The following CNTNAP2 variants were observed in gnomAD, a reference collection of about 807,000 sequenced individuals.
CNTNAP2 encodes the protein contactin-associated protein-like 2.
Under a neutral mutation model 155.2 loss-of-function variants are expected in CNTNAP2, and 98 were observed. The ratio of observed to expected loss-of-function variants is 0.63; its 90% CI spans 0.54 to 0.75. The LOEUF (loss-of-function observed/expected upper bound fraction) is 0.75. Ranked by LOEUF, CNTNAP2 falls within the 30% of genes least tolerant of loss-of-function variation. The probability of loss-of-function intolerance (pLI) is 0.00; values close to 1 mark genes in which losing one functional copy is unlikely to be tolerated. For synonymous variants in CNTNAP2, 651 were observed against 631.2 expected (o/e 1.03, Z -0.47); for missense variants, 1,727 against 1,688.1 (o/e 1.02, Z -0.40).
chr7:146,249,084 G>A (rs995416730), intron 1 of CNTNAP2, among the ~76,000 whole-genome samples: 4 of 152,066 alleles, frequency 2.6e-5, no homozygotes, highest in Non-Finnish European at 5.9e-5. Context: ...ACAAAACAAT[G>A]TCATCAGTTA....
chr7:147,221,965 G>C (rs546072709), intron 8 of CNTNAP2, among the ~76,000 whole-genome samples: 3 of 152,228 alleles, frequency 2.0e-5, no homozygotes, highest in African/African-American at 7.2e-5. Context: ...TTTTGTTGTT[G>C]CTGTTCCTCT....
At position 147,735,768 on chromosome 7, in the gene CNTNAP2, A is replaced by C. The variant is rs1292435691; in HGVS notation, c.2098+96462A>C. ...TTCTTGTTGAATTGATCCCTTTACC[A>C]TTATGTAATGGCCTTCTTTGTCTCT... is the stretch of plus-strand genomic sequence containing the variant. On this transcript the variant is annotated intron_variant, in intron 13 of 23. Transcript: ENST00000361727. Among the ~76,000 whole-genome samples, 3 of 152,038 alleles carry C rather than the reference A, an allele frequency of 2.0e-5. No individual in the cohort carries two copies. The East Asian group carries it at 5.8e-4, about 29-fold the overall frequency.
chr7:146,191,116 G>A (rs1047602138), intron 1 of CNTNAP2, among the ~76,000 whole-genome samples: 2 of 78,176 alleles, frequency 2.6e-5, no homozygotes, highest in Non-Finnish European at 5.3e-5. Flanking sequence ...TTCAGATATC[G>A]GGGGAACCAC....
rs79758157 is a variant in CNTNAP2, at chr7:147,708,804, C to T, written c.2098+69498C>T. Among the ~76,000 whole-genome samples the T allele has an allele frequency of 7.9e-5, 12 of 152,264 alleles. No homozygotes were observed. In the East Asian group the frequency reaches 2.1e-3, roughly 27 times the overall value. On this transcript the variant is annotated intron_variant, in intron 13 of 23. Transcript: ENST00000361727. Reference sequence around the variant, plus strand: ...CACTTATCTGTTGAATTCTAATGTTCTTTCATAAATGATCTATTCAAAGTG... The same window carrying T: ...CACTTATCTGTTGAATTCTAATGTTTTTTCATAAATGATCTATTCAAAGTG...
chr7:147,239,217 CCTG>C (rs961746962), intron 8 of CNTNAP2, among the ~76,000 whole-genome samples: 6 of 151,806 alleles, frequency 4.0e-5, no homozygotes, highest in African/African-American at 1.5e-4. Context: ...CATCTCAAAA[CCTG>C]CTCACTTTCG....
intron 17 of CNTNAP2, among the ~76,000 whole-genome samples, chr7:148,149,769 C>T (rs1162705092): frequency 6.6e-6 from 1 of 151,984 alleles, no homozygotes; most frequent in Admixed American, 6.6e-5. Flanking sequence ...CCAGGCTGGT[C>T]TCAAACTCCT....
chr7:147,958,852 T>C (rs372798376), intron 14 of CNTNAP2, among the ~76,000 whole-genome samples: 2 of 152,292 alleles, frequency 1.3e-5, no homozygotes, highest in South Asian at 4.1e-4. Context: ...TAAAGCCTTG[T>C]GCATATGAAT....
chr7:147,406,445 G>A (rs532149465), intron 10 of CNTNAP2, among the ~76,000 whole-genome samples: 2 of 152,112 alleles, frequency 1.3e-5, no homozygotes, highest in African/African-American at 4.8e-5. Flanking sequence ...TTAAAAAGAT[G>A]AAGTTGTCAT....
At chr7:146,780,668 T>C (rs976600725) in intron 2 of CNTNAP2, among the ~76,000 whole-genome samples, 3 of 152,008 alleles carry the variant, frequency 2.0e-5, no homozygotes, top group Non-Finnish European at 4.4e-5. Context: ...GTGGGACATA[T>C]ACACCACGGA....
At chr7:146,903,633 C>A (rs113418516) in intron 3 of CNTNAP2, among the ~76,000 whole-genome samples, 143 of 152,276 alleles carry the variant, frequency 9.4e-4, no homozygotes, top group African/African-American at 3.2e-3. Flanking sequence ...GTTGCAATCT[C>A]CTTTAGAACC....
chr7:147,632,403 T>C (rs1045311070), intron 12 of CNTNAP2, among the ~76,000 whole-genome samples: 1 of 152,118 alleles, frequency 6.6e-6, no homozygotes, highest in Non-Finnish European at 1.5e-5. Context: ...GGGGGTGGTT[T>C]CCCTAATCCT....
At chr7:147,747,305 C>G (rs552382859) in intron 13 of CNTNAP2, among the ~76,000 whole-genome samples, 2 of 152,290 alleles carry the variant, frequency 1.3e-5, no homozygotes, top group East Asian at 3.9e-4. Flanking sequence ...TCACATCAGA[C>G]TGGCATCTCT....
At chr7:147,965,282 C>T (rs1801189033) in intron 14 of CNTNAP2, among the ~76,000 whole-genome samples, 1 of 152,102 alleles carries the variant, frequency 6.6e-6, no homozygotes, top group Non-Finnish European at 1.5e-5. Flanking sequence ...GCAATGTTGG[C>T]AAATTGATTA....
chr7:146,868,757 AT>A (rs1396059502), intron 3 of CNTNAP2, among the ~76,000 whole-genome samples: 1 of 151,464 alleles, frequency 6.6e-6, no homozygotes, highest in East Asian at 1.9e-4. Context: ...ATTCCTCAGT[AT>A]TTTCTTCTTT....
At chr7:147,203,482 T>G (rs1400489497) in intron 8 of CNTNAP2, among the ~76,000 whole-genome samples, 1 of 152,172 alleles carries the variant, frequency 6.6e-6, no homozygotes, top group Non-Finnish European at 1.5e-5. Context: ...TCCGCCCGCC[T>G]CGGCCTTCCA....
chr7:147,006,233 T>C (rs1006120748), intron 3 of CNTNAP2, among the ~76,000 whole-genome samples: 4 of 151,938 alleles, frequency 2.6e-5, no homozygotes, highest in African/African-American at 9.7e-5. Context: ...GGGGTACTAG[T>C]TGGGAAAGTG....
chr7:146,565,106 A>C (rs1798337320), intron 1 of CNTNAP2, among the ~76,000 whole-genome samples: 1 of 151,962 alleles, frequency 6.6e-6, no homozygotes, highest in Non-Finnish European at 1.5e-5. Context: ...GCTTTGTTAA[A>C]TACTAGAGTT....
chr7:147,569,948 T>C (rs1367521924), intron 12 of CNTNAP2, among the ~76,000 whole-genome samples: 1 of 152,152 alleles, frequency 6.6e-6, no homozygotes, highest in East Asian at 1.9e-4. Context: ...TTCCTTATGG[T>C]TTAAAGACTG....
intron 20 of CNTNAP2, among the ~76,000 whole-genome samples, chr7:148,257,885 G>A (rs1033517212): frequency 5.9e-5 from 9 of 151,632 alleles, no homozygotes; most frequent in Non-Finnish European, 1.0e-4. Flanking sequence ...ACAAACAGAA[G>A]TTCTAATGGA....
Sources: gnomAD v4.1 joint callset for allele counts (sites outside exome capture counted in the v4.1 genomes callset) on GRCh38, gnomAD v4.1.1 for gene constraint, MANE v1.5 for transcripts, NCBI Gene and HGNC (gene_info 2026-07-23, HGNC 2026-07-21) for gene names.